Variants in MPP4 observed in about 807,000 individuals in gnomAD.
MPP4 encodes MAGUK p55 scaffold protein 4, also known as MAGUK p55 subfamily member 4.
A neutral mutation model predicts 98.3 loss-of-function variants in MPP4; 91 were observed. That is an observed-to-expected ratio of 0.93 (90% CI 0.78 to 1.10). The LOEUF is 1.10. Ranked by LOEUF, MPP4 falls within the 50% of genes least tolerant of loss-of-function variation. MPP4 has a pLI of 0.00. For synonymous variants in MPP4, 261 were observed against 271.8 expected, an observed-to-expected ratio of 0.96 and a Z score of 0.39; for missense variants, 744 against 792.9, an observed-to-expected ratio of 0.94 and a Z score of 0.74.
At chr2:201,667,820 C>T (rs911965260) in intron 12 of MPP4, among the ~76,000 whole-genome samples, 4 of 152,130 alleles carry the variant, frequency 2.6e-5, no homozygotes, top group Non-Finnish European at 5.9e-5. Context: ...AACCACATCA[C>T]TCATTAATGT....
chr2:201,659,945 GA>G (rs1264415796), intron 15 of MPP4, among the ~76,000 whole-genome samples: 3 of 151,746 alleles, frequency 2.0e-5, no homozygotes, highest in Non-Finnish European at 4.4e-5. Flanking sequence ...TACATAGAAA[GA>G]AAACACACCA....
chr2:201,684,345 G>A (rs1042078745), intron 7 of MPP4, among the ~76,000 whole-genome samples: 1 of 152,176 alleles, frequency 6.6e-6, no homozygotes, highest in Non-Finnish European at 1.5e-5. Context: ...AAAGTAGAAG[G>A]ACAAAGTGCA....
chr2:201,651,202 C>A (rs1325285961), intron 18 of MPP4: 2 of 985,260 alleles, frequency 2.0e-6, no homozygotes, highest in Non-Finnish European at 2.4e-6. Context: ...TGGAAATGAT[C>A]AAGTAGAAGC....
intron 1 of MPP4, among the ~76,000 whole-genome samples, chr2:201,698,331 A>G (rs1183579647): frequency 6.6e-6 from 1 of 152,212 alleles, no homozygotes; most frequent in Non-Finnish European, 1.5e-5. Flanking sequence ...GCTGTTGATT[A>G]GGACCAGGGC....
At chr2:201,662,974 T>G (rs1354617632) in intron 14 of MPP4, among the ~76,000 whole-genome samples, 1 of 152,210 alleles carries the variant, frequency 6.6e-6, no homozygotes, top group African/African-American at 2.4e-5. Flanking sequence ...TGATACCATA[T>G]GTCATCAATA....
At chr2:201,693,294 T>C (rs1022021770) in intron 2 of MPP4, among the ~76,000 whole-genome samples, 1 of 152,160 alleles carries the variant, frequency 6.6e-6, no homozygotes, top group African/African-American at 2.4e-5. Flanking sequence ...CTGAGTAAAA[T>C]AATAGATCGT....
intron 12 of MPP4, among the ~76,000 whole-genome samples, chr2:201,668,479 T>C (rs1244168984): frequency 7.3e-6 from 1 of 136,936 alleles, no homozygotes; most frequent in Non-Finnish European, 1.6e-5. Context: ...CTTCTCTTCC[T>C]CTCTCTCTCT....
At chr2:201,666,449 G>GA in intron 12 of MPP4, 77 bp from the exon 13 acceptor site, 8 of 1,190,922 alleles carry the variant, frequency 6.7e-6, no homozygotes, top group Non-Finnish European at 9.4e-6. Context: ...GGCCAGGCAT[G>GA]GTGGCTCATG....
At position 201,680,849 on chromosome 2, in the gene MPP4, G is replaced by A. The variant is rs953713228; in HGVS notation, c.918C>T (p.His306=). ...ATCAGLVPSN[H]LLKRKQREFW... is the part of the protein sequence containing the mutation. Reference sequence around the variant, plus strand: ...GTGACGTTCCTTACCTCTTCAGAAGGTGGTTAGAAGGGACAAGCCCAGCGC... The same window carrying A: ...GTGACGTTCCTTACCTCTTCAGAAGATGGTTAGAAGGGACAAGCCCAGCGC... Residue 306 remains histidine, a synonymous_variant, in exon 10 of 22, where the codon CAC becomes CAT. Coordinates refer to ENST00000409474, the MANE Select transcript of MPP4 (RefSeq NM_033066.3). 2 of 1,611,988 alleles carry A rather than the reference G, an allele frequency of 1.2e-6. No homozygotes were observed. Among genetic ancestry groups the A allele is most frequent in the Non-Finnish European group, 1.7e-6 (2 of 1,178,816 alleles).
At chr2:201,693,260 T>G (rs2105950776) in intron 2 of MPP4, among the ~76,000 whole-genome samples, 1 of 152,300 alleles carries the variant, frequency 6.6e-6, no homozygotes, top group East Asian at 1.9e-4. Context: ...AGGTGCTAGC[T>G]TTGTCATAGT....
intron 4 of MPP4, among the ~76,000 whole-genome samples, chr2:201,687,834 A>T (rs1266179959): frequency 2.0e-5 from 3 of 152,256 alleles, no homozygotes; most frequent in Non-Finnish European, 4.4e-5. Flanking sequence ...AATGGAAATC[A>T]TAATTTCTCT....
chr2:201,670,795 T>C (rs563457503), intron 11 of MPP4, among the ~76,000 whole-genome samples: 2 of 152,334 alleles, frequency 1.3e-5, no homozygotes, highest in African/African-American at 4.8e-5. Context: ...ATAGCTCTGG[T>C]CTGCAGCTCC....
intron 10 of MPP4, chr2:201,680,053 G>A (rs1163127619): frequency 2.0e-5 from 3 of 152,128 alleles, no homozygotes; most frequent in African/African-American, 7.2e-5. Flanking sequence ...ATCTTTTACT[G>A]GTTCCATTTT....
chr2:201,658,996 A>T (rs1687937991), intron 15 of MPP4, among the ~76,000 whole-genome samples: 1 of 152,086 alleles, frequency 6.6e-6, no homozygotes, highest in African/African-American at 2.4e-5. Context: ...CCTGGGTTCA[A>T]GTGATTCTCC....
intron 18 of MPP4, among the ~76,000 whole-genome samples, chr2:201,652,361 A>G (rs1687736784): frequency 6.6e-6 from 1 of 152,120 alleles, no homozygotes; most frequent in South Asian, 2.1e-4. Flanking sequence ...CGGGAGGCTG[A>G]GGCAGGAGAA....
chr2:201,647,410 A>G (rs1241620384), intron 21 of MPP4, among the ~76,000 whole-genome samples: 1 of 152,216 alleles, frequency 6.6e-6, no homozygotes, highest in Non-Finnish European at 1.5e-5. Flanking sequence ...ATTAAACTTT[A>G]TATCTGTAAG....
At chr2:201,692,733 G>T (rs965438586) in intron 3 of MPP4, among the ~76,000 whole-genome samples, 175 bp downstream of exon 3, 3 of 152,122 alleles carry the variant, frequency 2.0e-5, no homozygotes, top group Admixed American at 2.0e-4. Flanking sequence ...AAAAGACACT[G>T]AATCTGCTGC....
chr2:201,674,571 CT>C (rs1236715677), intron 11 of MPP4, among the ~76,000 whole-genome samples: 1 of 152,166 alleles, frequency 6.6e-6, no homozygotes, highest in African/African-American at 2.4e-5. Context: ...TGGGGGAGAT[CT>C]GATCTAGCCC....
chr2:201,657,620 C>CTTTTTTTTTTTTTTTTTTTT (rs1687894177), intron 16 of MPP4, among the ~76,000 whole-genome samples: 4 of 61,640 alleles, frequency 6.5e-5, no homozygotes, highest in Admixed American at 1.8e-4. Flanking sequence ...TTTTTTTTTG[C>CTTTTTTTTTTTTTTTTTTTT]TTATTGTATC....
Sources: gnomAD v4.1 joint callset for allele counts (sites outside exome capture counted in the v4.1 genomes callset) on GRCh38, gnomAD v4.1.1 for gene constraint, MANE v1.5 for transcripts, NCBI Gene and HGNC (gene_info 2026-07-23, HGNC 2026-07-21) for gene names.